Variants in TTC7B observed in about 807,000 individuals in gnomAD.
TTC7B encodes the protein tetratricopeptide repeat protein 7B.
Under a neutral mutation model 106.8 loss-of-function variants are expected in TTC7B, and 28 were observed. The observed-to-expected ratio is 0.26, with a 90% CI of 0.19 to 0.36. The LOEUF is 0.36. Among genes scored for constraint, TTC7B ranks in the 10% least tolerant of loss-of-function variants. The probability of loss-of-function intolerance (pLI) is 1.00; values close to 1 mark genes in which losing one functional copy is unlikely to be tolerated. For missense variants in TTC7B, 862 were observed against 1,076.4 expected (o/e 0.80, Z 2.79); for synonymous variants, 405 against 430.6 (o/e 0.94, Z 0.74).
At chr14:90,716,487 C>G (rs1409483349) in intron 5 of TTC7B, among the ~76,000 whole-genome samples, 2 of 152,242 alleles carry the variant, frequency 1.3e-5, no homozygotes, top group African/African-American at 4.8e-5. Flanking sequence ...ACATCCTTGT[C>G]TTTCCCATAG....
At chr14:90,673,562 TA>T (rs1002019729) in intron 9 of TTC7B, among the ~76,000 whole-genome samples, 3 of 152,182 alleles carry the variant, frequency 2.0e-5, no homozygotes, top group Admixed American at 6.5e-5. Flanking sequence ...AACATATCTC[TA>T]AGACAAATGA....
At chr14:90,797,920 T>C (rs1286219647) in intron 1 of TTC7B, among the ~76,000 whole-genome samples, 4 of 152,174 alleles carry the variant, frequency 2.6e-5, no homozygotes, top group Non-Finnish European at 4.4e-5. Flanking sequence ...CATACGACTC[T>C]GTGGTGGCCT....
intron 9 of TTC7B, among the ~76,000 whole-genome samples, chr14:90,667,326 G>T (rs1886448565): frequency 6.6e-6 from 1 of 152,200 alleles, no homozygotes; most frequent in Admixed American, 6.5e-5. Context: ...GAGTTGCCAA[G>T]ACTGGAGACA....
intron 3 of TTC7B, among the ~76,000 whole-genome samples, chr14:90,767,473 A>G (rs931300725): frequency 6.6e-6 from 1 of 152,194 alleles, no homozygotes; most frequent in Non-Finnish European, 1.5e-5. Context: ...AGAGTGAGTG[A>G]TTAATGCCAT....
intron 9 of TTC7B, 62 bp downstream of exon 9, chr14:90,676,461 C>T (rs1886842287): frequency 1.8e-5 from 29 of 1,589,916 alleles, no homozygotes; most frequent in Non-Finnish European, 2.5e-5. Context: ...ACAGCGCTTC[C>T]CTGGGGTCAC....
In TTC7B at chr14:90,527,110, T is replaced by A. The variant is rs1241022002; in HGVS notation, c.*14258A>T. 6.6e-6 allele frequency: 1 copy of A among 151,722 alleles called. No individual in the cohort carries two copies. The highest frequency in any genetic ancestry group is 1.5e-5 in the Non-Finnish European group (1 of 67,946). 9.4% of individuals were successfully genotyped at this position (151,722 alleles called of 1,614,324 possible). A position where few individuals can be genotyped will look rare whatever the true frequency, so the allele number is the denominator to read the frequency against. On this transcript the variant is annotated 3_prime_UTR_variant, in exon 20 of 20. Coordinates refer to ENST00000328459, the MANE Select transcript of TTC7B (RefSeq NM_001010854.2). Reference sequence around the variant, plus strand: ...ATGTTTTCTCATGATTACACTGGAGTTATGGGTTTGGGGGAAGAAGACCAC... The same window carrying A: ...ATGTTTTCTCATGATTACACTGGAGATATGGGTTTGGGGGAAGAAGACCAC...
intron 5 of TTC7B, among the ~76,000 whole-genome samples, chr14:90,726,447 T>C (rs1010587454): frequency 2.6e-5 from 4 of 152,146 alleles, no homozygotes; most frequent in Admixed American, 2.6e-4. Flanking sequence ...CATCTACTTC[T>C]CCACAAGCTC....
intron 15 of TTC7B, among the ~76,000 whole-genome samples, chr14:90,629,094 T>C (rs1450518718): frequency 1.3e-5 from 2 of 152,240 alleles, no homozygotes; most frequent in African/African-American, 2.4e-5. Context: ...ACCCATGAAC[T>C]GGGGGAGGTG....
intron 15 of TTC7B, among the ~76,000 whole-genome samples, chr14:90,636,935 C>CA (rs1007770676): frequency 2.0e-4 from 28 of 137,904 alleles, no homozygotes; most frequent in Non-Finnish European, 4.0e-4. Context: ...GAAAATAAGG[C>CA]AAAAAATGAA....
At chr14:90,776,105 G>C (rs1440169421) in intron 3 of TTC7B, among the ~76,000 whole-genome samples, 1 of 151,060 alleles carries the variant, frequency 6.6e-6, no homozygotes, top group African/African-American at 2.4e-5. Context: ...TAGGCAGTTA[G>C]TCAGGCATGA....
intron 17 of TTC7B, among the ~76,000 whole-genome samples, chr14:90,607,272 G>T (rs772248300): frequency 6.6e-6 from 1 of 152,238 alleles, no homozygotes; most frequent in Non-Finnish European, 1.5e-5. Context: ...GTGATCCTGG[G>T]CCTGTGCCCC....
At chr14:90,616,303 G>C (rs1461949967) in intron 16 of TTC7B, among the ~76,000 whole-genome samples, 2 of 152,186 alleles carry the variant, frequency 1.3e-5, no homozygotes, top group African/African-American at 2.4e-5. Flanking sequence ...GCTTTCAGGG[G>C]AGATAAATAT....
At chr14:90,734,245 C>T (rs908354881) in intron 4 of TTC7B, among the ~76,000 whole-genome samples, 1 of 151,914 alleles carries the variant, frequency 6.6e-6, no homozygotes, top group Non-Finnish European at 1.5e-5. Context: ...ATGGCAAAAC[C>T]CCGTCTCTAC....
At chr14:90,801,216 C>A (rs974247961) in intron 1 of TTC7B, among the ~76,000 whole-genome samples, 2 of 134,554 alleles carry the variant, frequency 1.5e-5, no homozygotes, top group African/African-American at 5.7e-5. Flanking sequence ...CAGAGCAAGA[C>A]CCTATCAAAA....
chr14:90,546,406 G>C (rs530987971), intron 19 of TTC7B, among the ~76,000 whole-genome samples: 3 of 152,372 alleles, frequency 2.0e-5, no homozygotes, highest in Non-Finnish European at 4.4e-5. Context: ...AGGTTGGCAT[G>C]GAGCTGTTGT....
chr14:90,679,961 G>A (rs1349251128), intron 8 of TTC7B, among the ~76,000 whole-genome samples: 1 of 152,260 alleles, frequency 6.6e-6, no homozygotes, highest in Non-Finnish European at 1.5e-5. Flanking sequence ...GGCAAAGCCA[G>A]GAGCTGGAAG....
intron 3 of TTC7B, among the ~76,000 whole-genome samples, chr14:90,777,280 G>C (rs1433624110): frequency 6.6e-6 from 1 of 151,956 alleles, no homozygotes; most frequent in East Asian, 1.9e-4. Flanking sequence ...TGAGATACTG[G>C]GATAAAGGGC....
chr14:90,568,158 G>A (rs1186198989), intron 19 of TTC7B, among the ~76,000 whole-genome samples: 4 of 152,190 alleles, frequency 2.6e-5, no homozygotes, highest in Non-Finnish European at 4.4e-5. Flanking sequence ...GGCGGTGTGG[G>A]GGATGGGGGT....
Position 90,578,144 on chromosome 14 carries a change from C to G in TTC7B, c.2272G>C (p.Ala758Pro). The G allele has an allele frequency of 1.9e-6, 3 of 1,613,044 alleles. No individual in the cohort carries two copies. The highest frequency in any genetic ancestry group is 2.5e-6 in the Non-Finnish European group (3 of 1,179,612). ...CTCTTCACGTGGGTGGGGCTGATGG[C>G]TAAGGCCTCTTCATACCACCGCCGC... ...EARRWYEEAL[A>P]ISPTHVKSMQ... Residue 758 changes from alanine (A) to proline (P), a missense_variant, in exon 19 of 20, where the codon GCC (alanine) becomes CCC (proline). Transcript: ENST00000328459. The surrounding 1 kb of genome is among the most constrained non-coding windows in gnomAD (Gnocchi z 4.7).
Sources: allele counts gnomAD v4.1 joint callset (sites outside exome capture counted in the v4.1 genomes callset), GRCh38; gene constraint gnomAD v4.1.1; non-coding constraint Gnocchi (gnomAD v3.1); transcripts MANE v1.5; gene names NCBI Gene and HGNC (gene_info 2026-07-23, HGNC 2026-07-21).